Variants in TRPV3 observed in about 807,000 individuals in gnomAD.
TRPV3 encodes VRL-3.
Under a neutral mutation model 87.1 loss-of-function variants are expected in TRPV3, and 88 were observed. The ratio of observed to expected loss-of-function variants is 1.01; its 90% CI spans 0.85 to 1.21. The LOEUF (loss-of-function observed/expected upper bound fraction) is 1.21. TRPV3 is among the 50% of genes most tolerant of loss of function. TRPV3 has a pLI of 0.00. For synonymous variants in TRPV3, 438 were observed against 423.3 expected (o/e 1.03, Z -0.43); for missense variants, 1,054 against 1,030.1 (o/e 1.02, Z -0.32).
rs374032334 is a variant in TRPV3 at position 3,527,303 on chromosome 17, G to A, written c.1504-376C>T. On this transcript the variant is annotated intron_variant, in intron 11 of 17. Transcript: ENST00000576742. The stretch of plus-strand genomic sequence containing the variant: ...TAATGACCTTGTCCTCATCGTCCTC[G>A]TGCCCAATCCTACCCCACCAGAGTA... Among the ~76,000 whole-genome samples, 129 of 152,098 alleles carry A rather than the reference G, an allele frequency of 8.5e-4. 1 individual carries two copies. Among genetic ancestry groups the A allele is most frequent in the Non-Finnish European group, 1.5e-3 (100 of 68,014 alleles).
At position 3,543,619 on chromosome 17, in the gene TRPV3, C is replaced by T. The variant is rs1021226821; in HGVS notation, c.321G>A (p.Leu107=). 3 of 1,614,112 alleles carry T rather than the reference C, an allele frequency of 1.9e-6. No homozygotes were observed. Among genetic ancestry groups the T allele is most frequent in the Middle Eastern group, 3.3e-4 (2 of 6,060 alleles). Residue 107 remains leucine, a synonymous_variant, in exon 5 of 18, where the codon CTG becomes CTA. Coordinates refer to ENST00000576742, the MANE Select transcript of TRPV3 (RefSeq NM_145068.4). ...TTTTCCTCCTCTGCTCTTCCTTGGC[C>T]AGCTGTGCACTGAAGCCAGAAAATG... ...PSNPNSPSAQ[L]AKEEQRRKKR...
chr17:3,547,213 CTG>C (rs894568073), intron 2 of TRPV3, among the ~76,000 whole-genome samples: 2 of 152,234 alleles, frequency 1.3e-5, no homozygotes, highest in South Asian at 2.1e-4. Flanking sequence ...TCCCTAGACT[CTG>C]AGATCCACGC....
chr17:3,510,687 G>A lies in TRPV3; in HGVS notation c.*3230C>T, dbSNP rs1395631543. ...CACATTCAAGGGAGAATGGGGTGAC[G>A]ATTCTGTGTTTGGAACCAAGATCAC... On this transcript the variant is annotated 3_prime_UTR_variant, in exon 18 of 18. Coordinates refer to ENST00000576742, the MANE Select transcript of TRPV3 (RefSeq NM_145068.4). 2 of 152,338 alleles carry A rather than the reference G, an allele frequency of 1.3e-5. No homozygotes were observed. Among genetic ancestry groups the A allele is most frequent in the South Asian group, 2.1e-4 (1 of 4,830 alleles). The allele number at this position is 152,338 out of a possible 1,614,324, so 9.4% of individuals were successfully genotyped here.
intron 15 of TRPV3, 89 bp from the exon 16 acceptor site, chr17:3,516,658 C>T: frequency 4.4e-6 from 4 of 901,118 alleles, no homozygotes; most frequent in Non-Finnish European, 7.4e-6. Context: ...CCACTCCACC[C>T]TCACCTCATG....
rs778096374 is a variant in TRPV3 at position 3,526,902 on chromosome 17, G to A, written c.1529C>T (p.Pro510Leu). 1.9e-6 allele frequency: 3 copies of A among 1,612,128 alleles called. No homozygotes were observed. Among genetic ancestry groups the A allele is most frequent in the South Asian group, 2.2e-5 (2 of 90,364 alleles). Residue 510 changes from proline to leucine, a missense_variant, in exon 12 of 18, where the codon CCC becomes CTC. By Grantham distance (98) the Pro-to-Leu change is moderately conservative. Transcript: ENST00000576742. Reference protein sequence around the residue: ...KEGIAIFLLRPSDLQSILSDA... With the variant: ...KEGIAIFLLRLSDLQSILSDA... Reference sequence around the variant, plus strand: ...CGAGAGGATGGACTGCAGATCCGAGGGTCTCAGCAGGAAGATGGCAATGCC... The same window carrying A: ...CGAGAGGATGGACTGCAGATCCGAGAGTCTCAGCAGGAAGATGGCAATGCC...
chr17:3,526,817 C>A (rs1481488820), intron 12 of TRPV3, 37 bp downstream of exon 12: 7 of 1,565,292 alleles, frequency 4.5e-6, no homozygotes, highest in Middle Eastern at 1.7e-4. Flanking sequence ...GTCAACCCTG[C>A]CTGTGAGGCG....
At position 3,542,715 on chromosome 17, in the gene TRPV3, G is replaced by A. The variant is rs1451879907; in HGVS notation, c.467-17C>T. ...TGAGGAAGTCTGCAGGCAGGGCCAT[G>A]GGTGGAGTTACAGGAGGGCCCCGGC... On this transcript the variant is annotated splice_polypyrimidine_tract_variant and intron_variant, in intron 5 of 17. Transcript: ENST00000576742. 1.9e-6 allele frequency: 3 copies of A among 1,611,216 alleles called. No individual in the cohort carries two copies. The South Asian group carries it at 3.3e-5, about 18-fold the overall frequency.
At chr17:3,547,060 C>T (rs905835204) in intron 2 of TRPV3, among the ~76,000 whole-genome samples, 1 of 152,084 alleles carries the variant, frequency 6.6e-6, no homozygotes, top group Non-Finnish European at 1.5e-5. Context: ...AACACTTGAG[C>T]CAGGTTGCCC....
In TRPV3 at chr17:3,556,789, G is replaced by A. The variant is rs1011178262; in HGVS notation, c.-3+887C>T. Among the ~76,000 whole-genome samples the A allele has an allele frequency of 6.6e-5, 10 of 152,088 alleles. No individual in the cohort carries two copies. Among genetic ancestry groups the A allele is most frequent in the Non-Finnish European group, 1.3e-4 (9 of 67,992 alleles). On this transcript the variant is annotated intron_variant, in intron 1 of 17. Coordinates refer to ENST00000576742, the MANE Select transcript of TRPV3 (RefSeq NM_145068.4). The surrounding 1 kb of genome is among the most constrained non-coding windows in gnomAD (Gnocchi z 4.2). The stretch of plus-strand genomic sequence containing the variant: ...ACTCCTGGGCACCCGGCCCTCCCGT[G>A]TCCAGTCACGGCCTGATGAGGATGG...
rs2074208650 is a variant in TRPV3 at position 3,518,980 on chromosome 17, T to G, written c.1811-130A>C. 1 of 1,036,344 alleles carries G rather than the reference T, an allele frequency of 9.6e-7. No homozygotes were observed. Among genetic ancestry groups the G allele is most frequent in the African/African-American group, 1.6e-5 (1 of 62,550 alleles). 64.2% of individuals were successfully genotyped at this position (1,036,344 alleles called of 1,614,324 possible). Reference sequence around the variant, plus strand: ...TGGCCATTAAATCCCATCTCCAGTTTCAGGTCCTCTCAAAGCCTCATCAGG... The same window carrying G: ...TGGCCATTAAATCCCATCTCCAGTTGCAGGTCCTCTCAAAGCCTCATCAGG... On this transcript the variant is annotated intron_variant, in intron 14 of 17. Transcript: ENST00000576742. This position sits in a 1 kb window ranked among gnomAD's most constrained non-coding sequence, Gnocchi z 4.3.
intron 5 of TRPV3, among the ~76,000 whole-genome samples, chr17:3,543,056 C>G (rs1022771724): frequency 3.3e-5 from 5 of 152,010 alleles, no homozygotes; most frequent in African/African-American, 7.2e-5. Flanking sequence ...TGATACTGCA[C>G]TGGTCCCCGA....
chr17:3,549,792 G>A (rs959902985), intron 2 of TRPV3, among the ~76,000 whole-genome samples: 1 of 150,212 alleles, frequency 6.7e-6, no homozygotes, highest in African/African-American at 2.4e-5. Context: ...TGAGTGAATG[G>A]ATGATGGATG....
intron 16 of TRPV3, among the ~76,000 whole-genome samples, chr17:3,516,229 C>T (rs879816222): frequency 5.9e-5 from 9 of 152,052 alleles, no homozygotes; most frequent in Non-Finnish European, 5.9e-5. Context: ...AGAGGGGAGC[C>T]GCTGTTGGCA....
chr17:3,531,512 A>G (rs1431039524), intron 8 of TRPV3, among the ~76,000 whole-genome samples: 1 of 152,198 alleles, frequency 6.6e-6, no homozygotes, highest in Admixed American at 6.5e-5. Context: ...AGAGGAGGGA[A>G]GCGGGAGACA....
In TRPV3 at chr17:3,523,907, T is replaced by TACAC. The variant is rs111416025; in HGVS notation, c.1743+287_1743+290dup. On this transcript the variant is annotated intron_variant, in intron 13 of 17. Transcript: ENST00000576742. ...CATATTCCACCTACACACACACACA[T>TACAC]ACACACACACACACACAGAACAGTC... 1.7e-3 allele frequency among the ~76,000 whole-genome samples: 260 copies of TACAC among 149,980 alleles called. 1 individual carries two copies. Among genetic ancestry groups the TACAC allele is most frequent in the African/African-American group, 5.2e-3 (212 of 40,976 alleles).
intron 3 of TRPV3, 22 bp from the exon 4 acceptor site, chr17:3,544,687 A>G (rs1458930405): frequency 6.3e-7 from 1 of 1,581,518 alleles, no homozygotes; most frequent in South Asian, 1.1e-5. Context: ...GGCAGGGGGA[A>G]CAGAGAGGGT....
rs926286388 is a variant in TRPV3, at chr17:3,511,384, G to A, written c.*2533C>T. Reference sequence around the variant, plus strand: ...AATAATGGCTCAGGGAGACATCTGTGGTCCAAGAATCAGGACACTCCAGCC... The same window carrying A: ...AATAATGGCTCAGGGAGACATCTGTAGTCCAAGAATCAGGACACTCCAGCC... On this transcript the variant is annotated 3_prime_UTR_variant, in exon 18 of 18. Transcript: ENST00000576742. 6.6e-6 allele frequency: 1 copy of A among 152,182 alleles called. No individual in the cohort carries two copies. Among genetic ancestry groups the A allele is most frequent in the African/African-American group, 2.4e-5 (1 of 41,428 alleles). The allele number at this position is 152,182 out of a possible 1,614,324, so 9.4% of individuals were successfully genotyped here.
chr17:3,532,510 CA>C, intron 8 of TRPV3, 146 bp downstream of exon 8: 1 of 1,059,740 alleles, frequency 9.4e-7, no homozygotes, highest in Non-Finnish European at 1.3e-6. Context: ...GCCGCCACGC[CA>C]CTGCAGTTCT....
In TRPV3 at chr17:3,542,574, G is replaced by C. The variant is rs375682185; in HGVS notation, c.591C>G (p.Asn197Lys). 1 of 1,613,846 alleles carries C rather than the reference G, an allele frequency of 6.2e-7. No homozygotes were observed. Among genetic ancestry groups the C allele is most frequent in the Non-Finnish European group, 8.5e-7 (1 of 1,179,914 alleles). Residue 197 changes from asparagine (N) to lysine (K), a missense_variant, in exon 6 of 18, where the codon AAC becomes AAG. Transcript: ENST00000576742. ...VRILLAFAEE[N>K]DILGRFINAE... ...CGTTGATGAACCTGCCCAGGATGTC[G>C]TTCTCTTCAGCAAAGGCAAGCAGGA...
Sources: allele counts gnomAD v4.1 joint callset (sites outside exome capture counted in the v4.1 genomes callset), GRCh38; gene constraint gnomAD v4.1.1; non-coding constraint Gnocchi (gnomAD v3.1); transcripts MANE v1.5; gene names NCBI Gene and HGNC (gene_info 2026-07-23, HGNC 2026-07-21).